The following EXT1 variants were observed in gnomAD, a reference collection of about 807,000 sequenced individuals.
The protein encoded by EXT1 is exostosin glycosyltransferase 1, also known as exostosin-1.
A neutral mutation model predicts 82.5 loss-of-function variants in EXT1; 20 were observed. The observed-to-expected ratio is 0.24, with a 90% confidence interval of 0.17 to 0.35. The LOEUF (loss-of-function observed/expected upper bound fraction) is 0.35, where lower values mean the gene tolerates loss of function less well. Ranked by LOEUF, EXT1 falls within the 10% of genes least tolerant of loss-of-function variation. The pLI is 1.00. For synonymous variants in EXT1, 348 were observed against 350.8 expected (o/e 0.99, Z 0.09); for missense variants, 757 against 936.5 (o/e 0.81, Z 2.50).
At chr8:117,800,427 C>CAT (rs1172343810) in intron 10 of EXT1, among the ~76,000 whole-genome samples, 1 of 152,022 alleles carries the variant, frequency 6.6e-6, no homozygotes, top group African/African-American at 2.4e-5. Flanking sequence ...TAAAAATTCA[C>CAT]ATATATAGTT....
chr8:118,110,958 G>A lies in EXT1; in HGVS notation c.89C>T (p.Ala30Val), dbSNP rs2130045712. The change falls in exon 1 of 11, where the codon GCA becomes GTA. Residue 30 changes from alanine to valine, a missense_variant. Ala to Val is a moderately conservative substitution (Grantham distance 64). Transcript: ENST00000378204. ...TTCTCTCCGGCTGTGGCTCCTCGAT[G>A]CCCTAAACTGCAAGCCTCCGAAATA... ...LFYFGGLQFRASRSHSRREEH... is the reference protein window; with the variant it reads ...LFYFGGLQFRVSRSHSRREEH... 1 of 1,612,470 alleles carries A rather than the reference G, an allele frequency of 6.2e-7. No individual in the cohort carries two copies. Among genetic ancestry groups the A allele is most frequent in the Non-Finnish European group, 8.5e-7 (1 of 1,180,014 alleles).
intron 1 of EXT1, among the ~76,000 whole-genome samples, chr8:117,882,145 G>C (rs1813072282): frequency 6.6e-6 from 1 of 152,140 alleles, no homozygotes; most frequent in Non-Finnish European, 1.5e-5. Flanking sequence ...GCAGTGGCAT[G>C]ATCTCAGCTC....
chr8:117,950,176 G>A (rs1435858972), intron 1 of EXT1, among the ~76,000 whole-genome samples: 2 of 152,206 alleles, frequency 1.3e-5, no homozygotes, highest in East Asian at 3.8e-4. Flanking sequence ...GGGAAGTGGA[G>A]GTTGCGGTGA....
intron 1 of EXT1, among the ~76,000 whole-genome samples, chr8:118,096,869 T>C (rs1817628532): frequency 6.6e-6 from 1 of 152,196 alleles, no homozygotes; most frequent in Admixed American, 6.5e-5. Context: ...CCAAAGACAG[T>C]AACATTTAGA....
In EXT1 at chr8:117,799,792, G is replaced by C; in HGVS notation, c.2161C>G (p.Gln721Glu). ...WFGYMPLIHS[Q>E]MRLDPVLFKD... ...AAGAGGACGGGGTCGAGCCTCATCTGAGAGTGGATCAGCGGCATGTAGCCA... is the reference window on the plus strand; with the variant it reads ...AAGAGGACGGGGTCGAGCCTCATCTCAGAGTGGATCAGCGGCATGTAGCCA... The change falls in exon 11 of 11, where the codon CAG (glutamine) becomes GAG (glutamate). Residue 721 changes from glutamine (Q) to glutamate (E), a missense_variant. Physicochemically the swap from Gln to Glu is conservative, Grantham distance 29. This residue lies in a region of EXT1 where 128 missense variants were observed against 223.2 expected (regional missense o/e 0.57). Coordinates refer to ENST00000378204, the MANE Select transcript of EXT1 (RefSeq NM_000127.3). 1.9e-6 allele frequency: 3 copies of C among 1,614,184 alleles called. No individual in the cohort carries two copies. The highest frequency in any genetic ancestry group is 2.5e-6 in the Non-Finnish European group (3 of 1,180,024).
chr8:117,930,928 T>C (rs997090410), intron 1 of EXT1, among the ~76,000 whole-genome samples: 16 of 152,208 alleles, frequency 1.1e-4, no homozygotes, highest in African/African-American at 2.9e-4. Context: ...TATATGCTAA[T>C]TGTATTGCAT....
intron 1 of EXT1, among the ~76,000 whole-genome samples, chr8:117,880,847 T>C (rs1813046784): frequency 6.6e-6 from 1 of 152,186 alleles, no homozygotes; most frequent in African/African-American, 2.4e-5. Flanking sequence ...CACCTCGGCC[T>C]CCCAAAGTGC....
rs151094710 is a variant in EXT1, at chr8:117,886,093, C to T, written c.963-48892G>A. On this transcript the variant is annotated intron_variant, in intron 1 of 10. Coordinates refer to ENST00000378204, the MANE Select transcript of EXT1 (RefSeq NM_000127.3). Reference sequence around the variant, plus strand: ...GATGGAACAAATAATAAACACTTCACGAATGAGATGAATATATTTACTAAA... The same window carrying T: ...GATGGAACAAATAATAAACACTTCATGAATGAGATGAATATATTTACTAAA... Among the ~76,000 whole-genome samples the T allele has an allele frequency of 1.9e-3, 293 of 152,124 alleles. 1 individual carries two copies. The highest frequency in any genetic ancestry group is 6.6e-3 in the African/African-American group (272 of 41,492).
At chr8:118,096,602 A>C (rs1013705714) in intron 1 of EXT1, among the ~76,000 whole-genome samples, 5 of 80,656 alleles carry the variant, frequency 6.2e-5, no homozygotes, top group African/African-American at 1.8e-4. Flanking sequence ...CAAGAAAGGA[A>C]GGAAGGAAGG....
intron 1 of EXT1, among the ~76,000 whole-genome samples, chr8:118,067,867 G>T (rs1240038293): frequency 6.6e-6 from 1 of 152,204 alleles, no homozygotes; most frequent in Non-Finnish European, 1.5e-5. Flanking sequence ...GATCAACAGA[G>T]TGATGGCTAT....
chr8:117,826,830 G>A (rs1812015507), intron 4 of EXT1, among the ~76,000 whole-genome samples: 1 of 151,980 alleles, frequency 6.6e-6, no homozygotes, highest in East Asian at 1.9e-4. Context: ...AATAATACAT[G>A]GTTTAAATAC....
chr8:117,822,816 C>T (rs1323580350), intron 4 of EXT1, among the ~76,000 whole-genome samples: 2 of 152,160 alleles, frequency 1.3e-5, no homozygotes, highest in East Asian at 3.8e-4. Context: ...AATCAAATTT[C>T]CTAATTAAAC....
chr8:118,075,879 T>C (rs763683254), intron 1 of EXT1, among the ~76,000 whole-genome samples: 3 of 152,110 alleles, frequency 2.0e-5, no homozygotes, highest in Non-Finnish European at 2.9e-5. Flanking sequence ...CACCAAGCCA[T>C]GACGGATCAG....
intron 1 of EXT1, among the ~76,000 whole-genome samples, chr8:118,052,837 G>A (rs992884120): frequency 6.6e-6 from 1 of 152,190 alleles, no homozygotes; most frequent in Non-Finnish European, 1.5e-5. Context: ...CAACACAAGA[G>A]CTTACAAATA....
At chr8:118,100,154 G>A (rs938331953) in intron 1 of EXT1, among the ~76,000 whole-genome samples, 32 of 152,152 alleles carry the variant, frequency 2.1e-4, no homozygotes, top group African/African-American at 7.5e-4. Context: ...CTGGCCAGTG[G>A]TTGGAAGACA....
chr8:117,938,683 G>A (rs1814215850), intron 1 of EXT1, among the ~76,000 whole-genome samples: 1 of 152,102 alleles, frequency 6.6e-6, no homozygotes, highest in Non-Finnish European at 1.5e-5. Context: ...AAATAGCTGA[G>A]GATGAGCAGT....
chr8:117,918,537 C>G (rs898293276), intron 1 of EXT1, among the ~76,000 whole-genome samples: 2 of 152,190 alleles, frequency 1.3e-5, no homozygotes, highest in African/African-American at 4.8e-5. Context: ...GTGTTTTGCT[C>G]TGACCAGCAG....
intron 6 of EXT1, among the ~76,000 whole-genome samples, chr8:117,819,386 G>C (rs1255795616): frequency 1.3e-5 from 2 of 152,108 alleles, no homozygotes; most frequent in Admixed American, 1.3e-4. Flanking sequence ...TCATGTGCTT[G>C]TATCTTCTTT....
intron 3 of EXT1, among the ~76,000 whole-genome samples, chr8:117,834,014 C>T (rs999184294): frequency 8.5e-5 from 13 of 152,288 alleles, no homozygotes; most frequent in Admixed American, 8.5e-4. Context: ...ACAAAAACTC[C>T]AGACCCCTTT....
Sources: allele counts gnomAD v4.1 joint callset (sites outside exome capture counted in the v4.1 genomes callset), GRCh38; gene constraint gnomAD v4.1.1; regional missense constraint gnomAD v4.1.1; transcripts MANE v1.5; gene names NCBI Gene and HGNC (gene_info 2026-07-23, HGNC 2026-07-21).